Variants in SUGCT observed in about 807,000 individuals in gnomAD.
SUGCT encodes succinyl-CoA:glutarate-CoA transferase.
SUGCT carries 41 observed loss-of-function variants against 55.0 expected under a neutral mutation model. The observed-to-expected ratio is 0.74, with a 90% CI of 0.58 to 0.97. The LOEUF (loss-of-function observed/expected upper bound fraction) is 0.97. Among genes scored for constraint, SUGCT ranks in the 50% least tolerant of loss-of-function variants. The pLI is 0.00. For missense variants in SUGCT, 568 were observed against 547.8 expected, an observed-to-expected ratio of 1.04 and a Z score of -0.37; for synonymous variants, 187 against 200.4, an observed-to-expected ratio of 0.93 and a Z score of 0.56.
chr7:40,976,218 C>G, the SUGCT span, among the ~76,000 whole-genome samples: 1 of 152,116 alleles, frequency 6.6e-6, no homozygotes, highest in Admixed American at 6.5e-5. Context: ...GCAGATTTTT[C>G]CAATATCACC....
chr7:40,194,246 TGAGTAGTAGA>T (rs1280801436), intron 5 of SUGCT, among the ~76,000 whole-genome samples: 3 of 152,180 alleles, frequency 2.0e-5, no homozygotes, highest in Non-Finnish European at 4.4e-5. Flanking sequence ...ATAGGGATGC[TGAGTAGTAGA>T]GATATTGTGT....
At chr7:40,713,367 A>G (rs1785830650) in intron 12 of SUGCT, among the ~76,000 whole-genome samples, 1 of 152,112 alleles carries the variant, frequency 6.6e-6, no homozygotes, top group African/African-American at 2.4e-5. Flanking sequence ...AGCCCCTTCT[A>G]AGTCCTGTAG....
At chr7:40,523,145 C>T (rs1793632674) in intron 12 of SUGCT, among the ~76,000 whole-genome samples, 1 of 151,946 alleles carries the variant, frequency 6.6e-6, no homozygotes, top group African/African-American at 2.4e-5. Flanking sequence ...TGGTAAGTCC[C>T]TTTCAACCAA....
chr7:40,293,640 C>A (rs190632458), intron 8 of SUGCT, among the ~76,000 whole-genome samples: 2 of 152,274 alleles, frequency 1.3e-5, no homozygotes, highest in East Asian at 1.9e-4. Flanking sequence ...TGGAGTAGCA[C>A]CCCAGATAAC....
At chr7:40,415,268 C>A (rs1192107671) in intron 9 of SUGCT, among the ~76,000 whole-genome samples, 349 of 107,666 alleles carry the variant, frequency 3.2e-3, no homozygotes, top group Admixed American at 3.5e-3. Context: ...GACTCCATCT[C>A]AAAAAAAAAA....
intron 13 of SUGCT, among the ~76,000 whole-genome samples, chr7:40,799,664 A>C (rs1287188780): frequency 3.9e-5 from 6 of 152,212 alleles, no homozygotes; most frequent in Admixed American, 1.3e-4. Context: ...AAAAGAAAGC[A>C]ATCCCATTAG....
chr7:40,245,053 C>CT (rs912661372), intron 7 of SUGCT, among the ~76,000 whole-genome samples: 11 of 148,612 alleles, frequency 7.4e-5, no homozygotes, highest in South Asian at 2.2e-4. Context: ...CCTCTTTAAA[C>CT]TTTTTTTTTT....
the SUGCT span, among the ~76,000 whole-genome samples, chr7:40,901,251 A>G: frequency 1.3e-5 from 2 of 152,196 alleles, no homozygotes; most frequent in East Asian, 3.9e-4. Context: ...CTAATGAGGA[A>G]GTGACCCAGG....
chr7:40,363,708 T>G (rs1028986903), intron 9 of SUGCT, among the ~76,000 whole-genome samples: 2 of 152,158 alleles, frequency 1.3e-5, no homozygotes, highest in African/African-American at 4.8e-5. Context: ...TCTTTTACAT[T>G]TGCTGAGGAG....
intron 13 of SUGCT, among the ~76,000 whole-genome samples, chr7:40,850,277 C>T (rs1007846430): frequency 1.3e-5 from 2 of 152,216 alleles, no homozygotes; most frequent in African/African-American, 4.8e-5. Flanking sequence ...TCCTCACCAG[C>T]TCTGTGACCC....
At chr7:40,217,407 T>A (rs1167473141) in intron 6 of SUGCT, 1 of 444,624 alleles carries the variant, frequency 2.2e-6, no homozygotes, top group Admixed American at 2.4e-5. Flanking sequence ...AGAAGGGGTT[T>A]TCCCATGTTG....
chr7:40,474,749 C>T (rs991626228), intron 11 of SUGCT, among the ~76,000 whole-genome samples: 1 of 152,170 alleles, frequency 6.6e-6, no homozygotes, highest in African/African-American at 2.4e-5. Context: ...TCAAACTGCT[C>T]AGCTTTCAAT....
intron 12 of SUGCT, among the ~76,000 whole-genome samples, chr7:40,738,196 T>TAACA (rs775955739): frequency 4.5e-5 from 5 of 111,046 alleles, no homozygotes; most frequent in Non-Finnish European, 9.3e-5. Context: ...GACTCCATCT[T>TAACA]AAAAAAAAAA....
the SUGCT span, among the ~76,000 whole-genome samples, chr7:41,038,142 C>T: frequency 6.6e-6 from 1 of 152,110 alleles, no homozygotes; most frequent in African/African-American, 2.4e-5. Context: ...GCTCAGGGCA[C>T]CTGCCTGCCC....
chr7:40,774,636 T>C lies in SUGCT; in HGVS notation c.1153+25139T>C, dbSNP rs1448576071. Reference sequence around the variant, plus strand: ...TTCCTAACAGAGTTATTTCTGTTGTTGATACTTGTCTACAGATTATAAAGC... The same window carrying C: ...TTCCTAACAGAGTTATTTCTGTTGTCGATACTTGTCTACAGATTATAAAGC... On this transcript the variant is annotated intron_variant, in intron 13 of 13. Transcript: ENST00000335693. Among the ~76,000 whole-genome samples, 3 of 152,306 alleles carry C rather than the reference T, an allele frequency of 2.0e-5. 1 individual carries two copies. In the East Asian group the frequency reaches 5.8e-4, roughly 29 times the overall value.
intron 9 of SUGCT, among the ~76,000 whole-genome samples, chr7:40,318,960 G>C (rs558165635): frequency 2.0e-5 from 3 of 148,550 alleles, no homozygotes; most frequent in Non-Finnish European, 2.9e-5. Flanking sequence ...GGCACCCTGG[G>C]TATGCCCTCA....
chr7:40,563,531 C>T (rs1795958181), intron 12 of SUGCT, among the ~76,000 whole-genome samples: 1 of 151,264 alleles, frequency 6.6e-6, no homozygotes, highest in African/African-American at 2.4e-5. Context: ...CATAGTGAGA[C>T]CTTGTCTTTA....
chr7:41,037,480 A>G, the SUGCT span, among the ~76,000 whole-genome samples: 1 of 151,656 alleles, frequency 6.6e-6, no homozygotes, highest in African/African-American at 2.4e-5. Flanking sequence ...TAGAAAGAAG[A>G]CAGTAAAGTC....
At chr7:40,835,521 A>G (rs1792917961) in intron 13 of SUGCT, among the ~76,000 whole-genome samples, 1 of 152,200 alleles carries the variant, frequency 6.6e-6, no homozygotes, top group African/African-American at 2.4e-5. Context: ...GGCAATACCT[A>G]CATTCCATTC....
Sources: gnomAD v4.1 joint callset for allele counts (sites outside exome capture counted in the v4.1 genomes callset) on GRCh38, gnomAD v4.1.1 for gene constraint, MANE v1.5 for transcripts, NCBI Gene and HGNC (gene_info 2026-07-23, HGNC 2026-07-21) for gene names.